The following CRYBG3 variants were observed in gnomAD, a reference collection of about 807,000 sequenced individuals.
CRYBG3 encodes the protein very large A-kinase anchor protein.
CRYBG3 carries 127 observed loss-of-function variants against 244.2 expected under a neutral mutation model. The observed-to-expected ratio is 0.52, with a 90% CI of 0.45 to 0.60. CRYBG3 has a LOEUF of 0.60. Among genes scored for constraint, CRYBG3 ranks in the 20% least tolerant of loss-of-function variants. CRYBG3 has a pLI of 0.00. For synonymous variants in CRYBG3, 1,132 were observed against 1,195.8 expected (o/e 0.95, Z 1.10); for missense variants, 3,325 against 3,442.5 (o/e 0.97, Z 0.85).
chr3:97,841,726 C>T (rs769582655), intron 1 of CRYBG3, among the ~76,000 whole-genome samples: 1 of 152,044 alleles, frequency 6.6e-6, no homozygotes, highest in Non-Finnish European at 1.5e-5. Context: ...CTCCTGCTTA[C>T]GCTTGTCCCC....
Position 97,872,888 on chromosome 3 carries a change from C to A in CRYBG3, c.1694C>A (p.Thr565Asn). ...AAAGATACTGACCAATACTTTGAAA[C>A]CAAAGCCAAAAAGCTTGATTTTAGG... ...LPKDTDQYFE[T>N]KAKKLDFRSH... The change falls in exon 4 of 22, where the codon ACC (threonine) becomes AAC (asparagine). Residue 565 changes from threonine to asparagine, a missense_variant. Thr to Asn is a moderately conservative substitution (Grantham distance 65). This residue lies in a region of CRYBG3 where 1,526 missense variants were observed against 1,443.2 expected (regional missense o/e 1.06). Coordinates refer to ENST00000389622, the MANE Select transcript of CRYBG3 (RefSeq NM_153605.4). The A allele has an allele frequency of 6.5e-7, 1 of 1,530,860 alleles. No individual in the cohort carries two copies. The highest frequency in any genetic ancestry group is 8.7e-7 in the Non-Finnish European group (1 of 1,145,614). The allele number at this position is 1,530,860 out of a possible 1,614,324, so 94.8% of individuals were successfully genotyped here.
At chr3:97,909,018 G>C (rs1017372154) in intron 15 of CRYBG3, among the ~76,000 whole-genome samples, 7 of 151,954 alleles carry the variant, frequency 4.6e-5, no homozygotes, top group Non-Finnish European at 8.8e-5. Flanking sequence ...GCTTAGTTTG[G>C]CTGGATATGA....
chr3:97,890,774 C>G (rs1039619808), intron 10 of CRYBG3, among the ~76,000 whole-genome samples: 1 of 152,112 alleles, frequency 6.6e-6, no homozygotes, highest in Non-Finnish European at 1.5e-5. Context: ...CATTTGTGCA[C>G]AAATTATTCC....
intron 15 of CRYBG3, among the ~76,000 whole-genome samples, chr3:97,902,324 G>A (rs895331796): frequency 6.6e-6 from 1 of 152,108 alleles, no homozygotes; most frequent in Non-Finnish European, 1.5e-5. Flanking sequence ...TATACATTAT[G>A]AGTGTTATGG....
chr3:97,851,929 G>A (rs544280780), intron 2 of CRYBG3, among the ~76,000 whole-genome samples: 4 of 152,288 alleles, frequency 2.6e-5, no homozygotes, highest in African/African-American at 9.6e-5. Flanking sequence ...TCTAGGGGGC[G>A]CAGTTATGGT....
Position 97,872,027 on chromosome 3 carries a change from G to C in CRYBG3, c.833G>C (p.Gly278Ala). ...HIDPGSEIEA[G>A]VLPLLLSAST... ...GACCCTGGAAGTGAGATTGAGGCTG[G>C]GGTACTGCCACTGTTGTTATCAGCT... is the stretch of plus-strand genomic sequence containing the variant. The change falls in exon 4 of 22, where the codon GGG (glycine) becomes GCG (alanine). Residue 278 changes from glycine (G) to alanine (A), a missense_variant. Gly to Ala is a moderately conservative substitution (Grantham distance 60, BLOSUM62 0). Coordinates refer to ENST00000389622, the MANE Select transcript of CRYBG3 (RefSeq NM_153605.4). 4.6e-6 allele frequency: 7 copies of C among 1,535,726 alleles called. No individual in the cohort carries two copies. Among genetic ancestry groups the C allele is most frequent in the Non-Finnish European group, 6.1e-6 (7 of 1,146,706 alleles).
intron 1 of CRYBG3, among the ~76,000 whole-genome samples, chr3:97,841,609 C>A (rs1453827780): frequency 6.6e-6 from 1 of 152,062 alleles, no homozygotes; most frequent in Non-Finnish European, 1.5e-5. Flanking sequence ...TCCATCTGAT[C>A]CGCTTTGGGA....
intron 2 of CRYBG3, among the ~76,000 whole-genome samples, chr3:97,850,213 C>T (rs937342693): frequency 6.6e-6 from 1 of 152,102 alleles, no homozygotes; most frequent in African/African-American, 2.4e-5. Context: ...GGCCCATCAA[C>T]GGCCCTTCCT....
At chr3:97,938,063 G>T (rs965351127) in intron 19 of CRYBG3, among the ~76,000 whole-genome samples, 1 of 151,968 alleles carries the variant, frequency 6.6e-6, no homozygotes, top group Non-Finnish European at 1.5e-5. Context: ...AAACTGTCAG[G>T]GGTGTGATGG....
chr3:97,832,057 C>T (rs2038661140), intron 1 of CRYBG3, among the ~76,000 whole-genome samples: 1 of 151,906 alleles, frequency 6.6e-6, no homozygotes, highest in Non-Finnish European at 1.5e-5. Flanking sequence ...CCTAACCTCT[C>T]AATGATGGCT....
chr3:97,822,692 G>A (rs781216152), intron 1 of CRYBG3, among the ~76,000 whole-genome samples: 7 of 152,190 alleles, frequency 4.6e-5, no homozygotes, highest in South Asian at 2.1e-4. Flanking sequence ...TACTCTCCAA[G>A]TTCTGTGGCA....
chr3:97,840,173 A>C (rs1211443347), intron 1 of CRYBG3, among the ~76,000 whole-genome samples: 1 of 151,920 alleles, frequency 6.6e-6, no homozygotes, highest in African/African-American at 2.4e-5. Flanking sequence ...GATTTGTAGG[A>C]GTGTAAACTT....
chr3:97,925,106 G>T (rs1242325234), intron 17 of CRYBG3, among the ~76,000 whole-genome samples: 1 of 151,900 alleles, frequency 6.6e-6, no homozygotes, highest in Non-Finnish European at 1.5e-5. Flanking sequence ...GGACATGGCT[G>T]GTCCCTGTCT....
At chr3:97,889,325 T>C (rs575928057) in intron 9 of CRYBG3, 30 bp from the exon 10 acceptor site, 2 of 1,524,500 alleles carry the variant, frequency 1.3e-6, no homozygotes, top group South Asian at 1.1e-5. Context: ...TATTTACCTG[T>C]CTAATATTAA....
Position 97,872,446 on chromosome 3 carries a change from A to G in CRYBG3, c.1252A>G (p.Arg418Gly), listed in dbSNP as rs1238360198. The change falls in exon 4 of 22, where the codon AGG (arginine) becomes GGG (glycine). Residue 418 changes from arginine to glycine, a missense_variant. By Grantham distance (125) the Arg-to-Gly change is moderately radical (BLOSUM62 -2). Transcript: ENST00000389622. ...AGAAAACAGCACTGTGATGAGTAAT[A>G]GGACATTGGTGCAAAGAGAGGAGCT... ...IKENSTVMSN[R>G]TLVQREELVE... 4 of 1,536,026 alleles carry G rather than the reference A, an allele frequency of 2.6e-6. No individual in the cohort carries two copies. In the South Asian group the frequency reaches 4.8e-5, roughly 18 times the overall value.
intron 1 of CRYBG3, among the ~76,000 whole-genome samples, chr3:97,829,594 T>C (rs1242759825): frequency 6.6e-6 from 1 of 152,222 alleles, no homozygotes; most frequent in Admixed American, 6.5e-5. Flanking sequence ...TATATTTTAT[T>C]GGAAAAGTCA....
chr3:97,879,148 A>C (rs905601254), intron 4 of CRYBG3, among the ~76,000 whole-genome samples: 1 of 152,200 alleles, frequency 6.6e-6, no homozygotes, highest in Admixed American at 6.5e-5. Context: ...TTAACTCTGC[A>C]TTATAAGGCT....
At chr3:97,940,113 G>A (rs1411063712) in intron 19 of CRYBG3, among the ~76,000 whole-genome samples, 1 of 151,992 alleles carries the variant, frequency 6.6e-6, no homozygotes, top group Non-Finnish European at 1.5e-5. Flanking sequence ...AACCAAAGGT[G>A]GGGATGTTGG....
At chr3:97,915,455 T>TA (rs1182171014) in intron 16 of CRYBG3, among the ~76,000 whole-genome samples, 155 bp from the exon 17 acceptor site, 13 of 152,162 alleles carry the variant, frequency 8.5e-5, no homozygotes, top group Non-Finnish European at 1.6e-4. Flanking sequence ...ATGATAGTGG[T>TA]AGCTGTTGTG....
Sources: gnomAD v4.1 joint callset for allele counts (sites outside exome capture counted in the v4.1 genomes callset) on GRCh38, gnomAD v4.1.1 for gene constraint, gnomAD v4.1.1 regional missense constraint, MANE v1.5 for transcripts, NCBI Gene and HGNC (gene_info 2026-07-23, HGNC 2026-07-21) for gene names.